KDM7A: variants seen among roughly 807,000 people sequenced by gnomAD.
KDM7A encodes lysine demethylase 7A.
A neutral mutation model predicts 114.8 loss-of-function variants in KDM7A; 28 were observed. That is an observed-to-expected ratio of 0.24 (90% CI 0.18 to 0.33). KDM7A has a LOEUF of 0.33. Among genes scored for constraint, KDM7A ranks in the 10% least tolerant of loss-of-function variants. KDM7A has a pLI of 1.00. For synonymous variants in KDM7A, 423 were observed against 397.8 expected (o/e 1.06, Z -0.75); for missense variants, 942 against 1,142.5 (o/e 0.82, Z 2.53).
chr7:140,120,599 T>A (rs1318830931), intron 7 of KDM7A, 70 bp from the exon 8 acceptor site: 2 of 857,166 alleles, frequency 2.3e-6, no homozygotes, highest in African/African-American at 1.7e-5. Flanking sequence ...GATATCTACC[T>A]GTGAAGTAAC....
intron 14 of KDM7A, among the ~76,000 whole-genome samples, chr7:140,097,857 T>C (rs1031123893): frequency 1.3e-5 from 2 of 152,234 alleles, no homozygotes; most frequent in African/African-American, 2.4e-5. Flanking sequence ...TTCTCAAATA[T>C]TAAGTGTGGT....
rs1002522720 is a variant in KDM7A at position 140,088,551 on chromosome 7, C to T, written c.*2543G>A. 2.3e-5 allele frequency: 9 copies of T among 398,166 alleles called. No homozygotes were observed. Among genetic ancestry groups the T allele is most frequent in the African/African-American group, 1.9e-4 (9 of 48,598 alleles). 24.7% of individuals were successfully genotyped at this position (398,166 alleles called of 1,614,324 possible). On this transcript the variant is annotated 3_prime_UTR_variant, in exon 20 of 20. Coordinates refer to ENST00000397560, the MANE Select transcript of KDM7A (RefSeq NM_030647.2). ...TACTCGCAGCAGCTACCACAAAGTT[C>T]AGCCATTTCCATGAGATAAAGGGAT...
Position 140,085,695 on chromosome 7 carries a change from G to C in KDM7A, c.*5399C>G, listed in dbSNP as rs1376086521. ...TTTTGATTCAGTCTAACCATAAACTGTAAGGCCCTTAGTTTGGTTTAGGTT... is the reference window on the plus strand; with the variant it reads ...TTTTGATTCAGTCTAACCATAAACTCTAAGGCCCTTAGTTTGGTTTAGGTT... On this transcript the variant is annotated 3_prime_UTR_variant, in exon 20 of 20. Coordinates refer to ENST00000397560, the MANE Select transcript of KDM7A (RefSeq NM_030647.2). The C allele has an allele frequency of 6.6e-6, 1 of 152,158 alleles. No individual in the cohort carries two copies. The highest frequency in any genetic ancestry group is 2.4e-5 in the African/African-American group (1 of 41,460). 9.4% of individuals were successfully genotyped at this position (152,158 alleles called of 1,614,324 possible). A position where few individuals can be genotyped will look rare whatever the true frequency, so the allele number is the denominator to read the frequency against.
intron 7 of KDM7A, 119 bp downstream of exon 7, chr7:140,124,502 T>C (rs930999454): frequency 1.5e-5 from 10 of 653,604 alleles, no homozygotes; most frequent in Non-Finnish European, 2.2e-5. Flanking sequence ...TCAGAATTAT[T>C]TCTTAACAAA....
chr7:140,101,961 G>C lies in KDM7A; in HGVS notation c.1628C>G (p.Pro543Arg). ...REVLKRLEMCPWEEDILSSKL... is the reference protein window; with the variant it reads ...REVLKRLEMCRWEEDILSSKL... ...AAACATAATACTTGCCTCTTCCCAT[G>C]GACACATCTCTAATCTTTTGAGGAC... is the stretch of plus-strand genomic sequence containing the variant. The change falls in exon 12 of 20, where the codon CCA becomes CGA. Residue 543 changes from proline to arginine, a missense_variant. This residue lies in a region of KDM7A where 512 missense variants were observed against 576.6 expected (regional missense o/e 0.89). Transcript: ENST00000397560. 6.2e-7 allele frequency: 1 copy of C among 1,608,516 alleles called. No homozygotes were observed. Among genetic ancestry groups the C allele is most frequent in the South Asian group, 1.1e-5 (1 of 90,944 alleles).
intron 17 of KDM7A, among the ~76,000 whole-genome samples, chr7:140,094,374 G>A (rs143441889): frequency 2.8e-4 from 42 of 152,204 alleles, no homozygotes; most frequent in African/African-American, 9.1e-4. Flanking sequence ...GTATGGTGGC[G>A]GACGCCTGTA....
intron 18 of KDM7A, among the ~76,000 whole-genome samples, chr7:140,092,685 G>C (rs1818041911): frequency 6.6e-6 from 1 of 152,150 alleles, no homozygotes; most frequent in Admixed American, 6.5e-5. Flanking sequence ...GAAAGGAACA[G>C]ACTAGATGTG....
chr7:140,088,408 T>C lies in KDM7A; in HGVS notation c.*2686A>G. On this transcript the variant is annotated 3_prime_UTR_variant, in exon 20 of 20. Coordinates refer to ENST00000397560, the MANE Select transcript of KDM7A (RefSeq NM_030647.2). ...CTAAAGTTGCATATGTTAATCATAA[T>C]TCTCAATTTTACATATTTGTATTTG... 2.5e-6 allele frequency: 1 copy of C among 397,792 alleles called. No homozygotes were observed. The highest frequency in any genetic ancestry group is 4.4e-6 in the Non-Finnish European group (1 of 225,436). The allele number at this position is 397,792 out of a possible 1,614,324, so 24.6% of individuals were successfully genotyped here. A position where few individuals can be genotyped will look rare whatever the true frequency, so the allele number is the denominator to read the frequency against.
At position 140,090,998 on chromosome 7, in the gene KDM7A, C is replaced by T; in HGVS notation, c.*96G>A. The T allele has an allele frequency of 1.2e-6, 1 of 854,994 alleles. No homozygotes were observed. Among genetic ancestry groups the T allele is most frequent in the Non-Finnish European group, 2.0e-6 (1 of 501,772 alleles). The allele number at this position is 854,994 out of a possible 1,614,324, so 53.0% of individuals were successfully genotyped here. A position where few individuals can be genotyped will look rare whatever the true frequency, so the allele number is the denominator to read the frequency against. On this transcript the variant is annotated 3_prime_UTR_variant, in exon 20 of 20. Transcript: ENST00000397560. Reference sequence around the variant, plus strand: ...CTTCGGGCAGTGTTCTTACTATACACACAAACTGCTCCAGGCAGGGGGACA... The same window carrying T: ...CTTCGGGCAGTGTTCTTACTATACATACAAACTGCTCCAGGCAGGGGGACA...
intron 11 of KDM7A, among the ~76,000 whole-genome samples, chr7:140,103,603 C>T (rs1390918754): frequency 1.3e-5 from 2 of 152,100 alleles, no homozygotes; most frequent in Non-Finnish European, 2.9e-5. Flanking sequence ...AGAATGATGG[C>T]TTCCAGTTTC....
intron 13 of KDM7A, 55 bp downstream of exon 13, chr7:140,099,844 C>A: frequency 6.5e-7 from 1 of 1,546,194 alleles, no homozygotes; most frequent in Non-Finnish European, 8.9e-7. Flanking sequence ...GTTAAATGAA[C>A]AAAGGGAACC....
At chr7:140,106,153 T>A (rs1358250260) in intron 11 of KDM7A, among the ~76,000 whole-genome samples, 4 of 152,368 alleles carry the variant, frequency 2.6e-5, no homozygotes, top group Non-Finnish European at 4.4e-5. Context: ...TATCATTTTT[T>A]ATTGCATCTA....
At chr7:140,109,262 G>T (rs1403891480) in intron 11 of KDM7A, among the ~76,000 whole-genome samples, 1 of 152,204 alleles carries the variant, frequency 6.6e-6, no homozygotes, top group Non-Finnish European at 1.5e-5. Context: ...CGCTCCGTGG[G>T]CTGCACCCAC....
At chr7:140,142,963 C>T (rs1215196785) in intron 1 of KDM7A, among the ~76,000 whole-genome samples, 1 of 151,608 alleles carries the variant, frequency 6.6e-6, no homozygotes, top group African/African-American at 2.4e-5. Context: ...GGGCGGATCA[C>T]GAGGTCAGGA....
chr7:140,095,981 TATAGGC>T (rs1288284563), intron 17 of KDM7A, among the ~76,000 whole-genome samples: 4 of 152,202 alleles, frequency 2.6e-5, no homozygotes, highest in African/African-American at 9.6e-5. Flanking sequence ...ATATTTATTA[TATAGGC>T]ATTCAATTTT....
At chr7:140,104,792 A>G (rs1818299810) in intron 11 of KDM7A, among the ~76,000 whole-genome samples, 2 of 151,752 alleles carry the variant, frequency 1.3e-5, no homozygotes, top group South Asian at 2.1e-4. Context: ...TTTTGGTTCC[A>G]TATGAACTTT....
At position 140,119,991 on chromosome 7, in the gene KDM7A, A is replaced by G. The variant is rs138270475; in HGVS notation, c.1139+451T>C. On this transcript the variant is annotated intron_variant, in intron 8 of 19. Coordinates refer to ENST00000397560, the MANE Select transcript of KDM7A (RefSeq NM_030647.2). The stretch of plus-strand genomic sequence containing the variant: ...GACTACTAGGAGAAGAGAGTTACGC[A>G]AAGGTCAAATTCTCATATAGAGGAG... Among the ~76,000 whole-genome samples, 16 of 152,338 alleles carry G rather than the reference A, an allele frequency of 1.1e-4. 1 individual carries two copies. The highest frequency in any genetic ancestry group is 2.9e-4 in the African/African-American group (12 of 41,580).
intron 1 of KDM7A, among the ~76,000 whole-genome samples, chr7:140,147,264 C>T (rs745492150): frequency 3.3e-5 from 5 of 152,138 alleles, no homozygotes; most frequent in African/African-American, 1.2e-4. Context: ...ATACCAAGTA[C>T]AAGATGATCA....
rs1287550148 is a variant in KDM7A, at chr7:140,087,568, G to T, written c.*3526C>A. The T allele has an allele frequency of 6.6e-6, 1 of 152,166 alleles. No individual in the cohort carries two copies. The highest frequency in any genetic ancestry group is 2.4e-5 in the African/African-American group (1 of 41,454). 9.4% of individuals were successfully genotyped at this position (152,166 alleles called of 1,614,324 possible). A position where few individuals can be genotyped will look rare whatever the true frequency, so the allele number is the denominator to read the frequency against. On this transcript the variant is annotated 3_prime_UTR_variant, in exon 20 of 20. Transcript: ENST00000397560. ...TTAATGATAAGTTCTCTGTATGTATGAAGTGTTAAGAGATTTTCTTAATTG... is the reference window on the plus strand; with the variant it reads ...TTAATGATAAGTTCTCTGTATGTATTAAGTGTTAAGAGATTTTCTTAATTG...
Sources: allele counts gnomAD v4.1 joint callset (sites outside exome capture counted in the v4.1 genomes callset), GRCh38; gene constraint gnomAD v4.1.1; regional missense constraint gnomAD v4.1.1; transcripts MANE v1.5; gene names NCBI Gene and HGNC (gene_info 2026-07-23, HGNC 2026-07-21).